CREBRF: variants seen among roughly 807,000 people sequenced by gnomAD.
CREBRF encodes the protein UPF0474 protein C5orf41.
Under a neutral mutation model 66.1 loss-of-function variants are expected in CREBRF, and 5 were observed. That is an observed-to-expected ratio of 0.08 (90% CI 0.04 to 0.16). The LOEUF is 0.16. Among genes scored for constraint, CREBRF ranks in the 10% least tolerant of loss-of-function variants. CREBRF has a pLI of 1.00. For missense variants in CREBRF, 531 were observed against 744.9 expected (o/e 0.71, Z 3.34); for synonymous variants, 229 against 264.4 (o/e 0.87, Z 1.30).
intron 4 of CREBRF, among the ~76,000 whole-genome samples, chr5:173,093,206 G>A (rs994164673): frequency 6.6e-6 from 1 of 152,128 alleles, no homozygotes; most frequent in African/African-American, 2.4e-5. Flanking sequence ...TTAGCAGCTG[G>A]TGCTTAAAGG....
chr5:173,110,479 A>G, intron 5 of CREBRF, 43 bp from the exon 6 acceptor site: 1 of 1,408,820 alleles, frequency 7.1e-7, no homozygotes, highest in Non-Finnish European at 1.0e-6. Flanking sequence ...GTCTCTTGTT[A>G]ATTAAAGTGA....
At chr5:173,066,837 A>C (rs1202888749) in intron 1 of CREBRF, among the ~76,000 whole-genome samples, 4 of 111,012 alleles carry the variant, frequency 3.6e-5, no homozygotes, top group Admixed American at 1.2e-4. Context: ...TTTTTTTGAG[A>C]CAGGGTCTCA....
At chr5:173,119,579 A>G (rs1056985477) in intron 7 of CREBRF, among the ~76,000 whole-genome samples, 8 of 152,166 alleles carry the variant, frequency 5.3e-5, no homozygotes, top group African/African-American at 1.9e-4. Flanking sequence ...ATCATCTGCA[A>G]ATAGGAATGG....
At chr5:173,096,045 C>G (rs1010058078) in intron 4 of CREBRF, among the ~76,000 whole-genome samples, 1 of 152,104 alleles carries the variant, frequency 6.6e-6, no homozygotes, top group Non-Finnish European at 1.5e-5. Flanking sequence ...TCTGGGCTCA[C>G]TGCAAACTCC....
intron 4 of CREBRF, among the ~76,000 whole-genome samples, chr5:173,094,536 G>C (rs933975647): frequency 1.3e-5 from 2 of 152,132 alleles, no homozygotes; most frequent in Non-Finnish European, 2.9e-5. Flanking sequence ...CTGATGATTA[G>C]TGGTATTGAG....
rs114141249 is a variant in CREBRF at position 173,130,619 on chromosome 5, G to C, written c.1805-3011G>C. On this transcript the variant is annotated intron_variant, in intron 8 of 8. Transcript: ENST00000296953. ...AGCTCACTGCAGCCTCCAACTCCTG[G>C]ACTCAAGTGATCTTTCAGCACCAAC... Among the ~76,000 whole-genome samples the C allele has an allele frequency of 4.6e-3, 696 of 151,980 alleles. 4 individuals carry two copies. Among genetic ancestry groups the C allele is most frequent in the African/African-American group, 0.016 (656 of 41,442 alleles).
chr5:173,099,568 A>T (rs905823109), intron 4 of CREBRF, among the ~76,000 whole-genome samples: 3 of 152,074 alleles, frequency 2.0e-5, no homozygotes, highest in Non-Finnish European at 4.4e-5. Flanking sequence ...ATAGGTAAGG[A>T]TTTACTGTTA....
intron 4 of CREBRF, chr5:173,092,212 C>T (rs560965141): frequency 1.8e-5 from 17 of 961,554 alleles, no homozygotes; most frequent in Non-Finnish European, 2.1e-5. Flanking sequence ...CATTCCAATA[C>T]CCAACAAAGT....
Position 173,123,216 on chromosome 5 carries a change from G to A in CREBRF, c.1804+14G>A, listed in dbSNP as rs781489273. The A allele has an allele frequency of 3.1e-6, 5 of 1,589,612 alleles. No individual in the cohort carries two copies. The highest frequency in any genetic ancestry group is 1.7e-6 in the Non-Finnish European group (2 of 1,172,928). On this transcript the variant is annotated intron_variant, in intron 8 of 8. Coordinates refer to ENST00000296953, the MANE Select transcript of CREBRF (RefSeq NM_153607.3). Reference sequence around the variant, plus strand: ...AAGATACTCTCGGTAAGAAGAATGCGAGATAAATTCATAACAATTAATAAT... The same window carrying A: ...AAGATACTCTCGGTAAGAAGAATGCAAGATAAATTCATAACAATTAATAAT...
At chr5:173,067,213 G>A (rs1468559050) in intron 1 of CREBRF, among the ~76,000 whole-genome samples, 1 of 152,066 alleles carries the variant, frequency 6.6e-6, no homozygotes, top group Non-Finnish European at 1.5e-5. Flanking sequence ...CAGATTTTAG[G>A]CTATTATAAA....
At position 173,090,758 on chromosome 5, in the gene CREBRF, T is replaced by C. The variant is rs1200030274; in HGVS notation, c.579T>C (p.Ala193=). Residue 193 remains alanine (A), a synonymous_variant, in exon 4 of 9, where the codon GCT becomes GCC. Coordinates refer to ENST00000296953, the MANE Select transcript of CREBRF (RefSeq NM_153607.3). The surrounding 1 kb of genome is among the most constrained non-coding windows in gnomAD (Gnocchi z 4.5). ...APVCSSKTLQ[A]EVPLSDCVQK... ...TGTGTTCTTCTAAGACTCTGCAGGC[T>C]GAGGTCCCTTTGTCAGACTGTGTCC... is the stretch of plus-strand genomic sequence containing the variant. 5 of 1,614,170 alleles carry C rather than the reference T, an allele frequency of 3.1e-6. No individual in the cohort carries two copies. The Admixed American group carries it at 5.0e-5, about 16-fold the overall frequency.
In CREBRF at chr5:173,135,100, A is replaced by G. The variant is rs1759556735; in HGVS notation, c.*1355A>G. Reference sequence around the variant, plus strand: ...ATATATATATATGTAAAGAAAGAAAAAAGCTAAAAATATCTAATTCTTTAG... The same window carrying G: ...ATATATATATATGTAAAGAAAGAAAGAAGCTAAAAATATCTAATTCTTTAG... On this transcript the variant is annotated 3_prime_UTR_variant, in exon 9 of 9. Coordinates refer to ENST00000296953, the MANE Select transcript of CREBRF (RefSeq NM_153607.3). The G allele has an allele frequency of 6.6e-6, 1 of 152,418 alleles. No individual in the cohort carries two copies. The highest frequency in any genetic ancestry group is 2.4e-5 in the African/African-American group (1 of 41,460). The allele number at this position is 152,418 out of a possible 1,614,324, so 9.4% of individuals were successfully genotyped here. A position where few individuals can be genotyped will look rare whatever the true frequency, so the allele number is the denominator to read the frequency against.
intron 8 of CREBRF, among the ~76,000 whole-genome samples, chr5:173,125,054 G>A (rs986930381): frequency 2.0e-5 from 3 of 151,618 alleles, no homozygotes; most frequent in Non-Finnish European, 4.4e-5. Context: ...GAGTAGCTGG[G>A]ATTACAGGCA....
chr5:173,097,812 T>C (rs1315370527), intron 4 of CREBRF, among the ~76,000 whole-genome samples: 1 of 152,106 alleles, frequency 6.6e-6, no homozygotes, highest in East Asian at 1.9e-4. Flanking sequence ...TGAATTTTGT[T>C]TTCATTTCAA....
At chr5:173,103,177 A>C (rs909476330) in intron 4 of CREBRF, among the ~76,000 whole-genome samples, 2 of 152,208 alleles carry the variant, frequency 1.3e-5, no homozygotes, top group East Asian at 3.9e-4. Context: ...GGCAGGGTCA[A>C]GTTCTCTTCT....
intron 1 of CREBRF, among the ~76,000 whole-genome samples, chr5:173,066,061 C>T (rs1757429012): frequency 6.6e-6 from 1 of 152,100 alleles, no homozygotes; most frequent in Non-Finnish European, 1.5e-5. Flanking sequence ...CAAACAATCC[C>T]ATCTCAGCCT....
chr5:173,063,253 G>A (rs1757332285), intron 1 of CREBRF, among the ~76,000 whole-genome samples: 1 of 151,976 alleles, frequency 6.6e-6, no homozygotes, highest in South Asian at 2.1e-4. Flanking sequence ...CTTAACTCTT[G>A]GCAACATAAA....
At chr5:173,110,835 A>G (rs534901038) in intron 6 of CREBRF, 124 bp downstream of exon 6, 2 of 664,924 alleles carry the variant, frequency 3.0e-6, no homozygotes, top group South Asian at 3.2e-5. Flanking sequence ...TACAATGAGA[A>G]TATTATAATT....
chr5:173,122,491 C>T (rs945288932), intron 7 of CREBRF, among the ~76,000 whole-genome samples: 1 of 150,302 alleles, frequency 6.7e-6, no homozygotes, highest in African/African-American at 2.4e-5. Context: ...CTGCTTAATG[C>T]TTTCTTACAC....
Sources: allele counts gnomAD v4.1 joint callset (sites outside exome capture counted in the v4.1 genomes callset), GRCh38; gene constraint gnomAD v4.1.1; non-coding constraint Gnocchi (gnomAD v3.1); transcripts MANE v1.5; gene names NCBI Gene and HGNC (gene_info 2026-07-23, HGNC 2026-07-21).